Variants in FGF12 observed in about 807,000 individuals in gnomAD.
FGF12 encodes fibroblast growth factor 12B.
Under a neutral mutation model 23.6 loss-of-function variants are expected in FGF12, and 14 were observed. That is an observed-to-expected ratio of 0.59 (90% CI 0.39 to 0.93). The LOEUF is 0.93. FGF12 is among the 40% of genes least tolerant of loss of function. The probability of loss-of-function intolerance (pLI) is 0.00; values close to 1 mark genes in which losing one functional copy is unlikely to be tolerated. For synonymous variants in FGF12, 62 were observed against 77.3 expected, an observed-to-expected ratio of 0.80 and a Z score of 1.04; for missense variants, 175 against 217.8, an observed-to-expected ratio of 0.80 and a Z score of 1.24.
intron 2 of FGF12, among the ~76,000 whole-genome samples, chr3:192,661,663 T>C (rs575135704): frequency 6.6e-6 from 1 of 152,274 alleles, no homozygotes; most frequent in South Asian, 2.1e-4. Context: ...TAAGAACAAA[T>C]CTTAAGTAGT....
At chr3:192,199,507 C>G (rs1390755544) in intron 4 of FGF12, among the ~76,000 whole-genome samples, 1 of 152,164 alleles carries the variant, frequency 6.6e-6, no homozygotes, top group African/African-American at 2.4e-5. Flanking sequence ...AGCCAGCTAA[C>G]AAATGGAGGC....
chr3:192,644,065 G>A (rs12638325), intron 2 of FGF12, among the ~76,000 whole-genome samples: 5 of 151,956 alleles, frequency 3.3e-5, no homozygotes, highest in Admixed American at 1.3e-4. Flanking sequence ...AGCGACTTAC[G>A]CAGCATTAAG....
At chr3:192,301,238 C>T (rs1002539816) in intron 4 of FGF12, among the ~76,000 whole-genome samples, 2 of 152,194 alleles carry the variant, frequency 1.3e-5, no homozygotes, top group South Asian at 4.2e-4. Context: ...AAACGAATCA[C>T]CGGGCATGGA....
chr3:192,618,914 A>G (rs1194797333), intron 2 of FGF12, among the ~76,000 whole-genome samples: 1 of 152,064 alleles, frequency 6.6e-6, no homozygotes, highest in Non-Finnish European at 1.5e-5. Context: ...CCTGGCTTAC[A>G]GTCGGATAGA....
rs554614510 is a variant in FGF12, at chr3:192,629,351, A to G, written c.13+97830T>C. 1.3e-3 allele frequency among the ~76,000 whole-genome samples: 204 copies of G among 152,328 alleles called. 1 individual carries two copies. Among genetic ancestry groups the G allele is most frequent in the African/African-American group, 4.7e-3 (194 of 41,576 alleles). On this transcript the variant is annotated intron_variant, in intron 2 of 5. Coordinates refer to ENST00000445105, the MANE Select transcript of FGF12 (RefSeq NM_004113.6). Reference sequence around the variant, plus strand: ...CAGAAATCACCTAATCACCACCATGACTGATCCTATATTTATTTATGAAAA... The same window carrying G: ...CAGAAATCACCTAATCACCACCATGGCTGATCCTATATTTATTTATGAAAA...
intron 2 of FGF12, among the ~76,000 whole-genome samples, chr3:192,461,174 A>G (rs1280098094): frequency 6.9e-6 from 1 of 144,742 alleles, no homozygotes; most frequent in Admixed American, 6.7e-5. Flanking sequence ...ATTGTAAAAC[A>G]TTTATTTTTG....
chr3:192,716,975 T>C (rs1718886002), intron 2 of FGF12, among the ~76,000 whole-genome samples: 1 of 152,054 alleles, frequency 6.6e-6, no homozygotes, highest in African/African-American at 2.4e-5. Flanking sequence ...CCCCTAGGGG[T>C]GGAAGCCAAC....
intron 2 of FGF12, among the ~76,000 whole-genome samples, chr3:192,594,053 A>G (rs535623129): frequency 6.6e-6 from 1 of 152,050 alleles, no homozygotes; most frequent in East Asian, 1.9e-4. Flanking sequence ...AAATCTGCTA[A>G]AATTTTCCAA....
chr3:192,719,394 T>A (rs1402426032), intron 2 of FGF12, among the ~76,000 whole-genome samples: 8 of 152,196 alleles, frequency 5.3e-5, no homozygotes, highest in Non-Finnish European at 7.3e-5. Flanking sequence ...TTATTGAGGG[T>A]CTTGCTATAT....
At chr3:192,486,071 C>T (rs1053496607) in intron 2 of FGF12, among the ~76,000 whole-genome samples, 5 of 151,994 alleles carry the variant, frequency 3.3e-5, no homozygotes, top group African/African-American at 1.2e-4. Flanking sequence ...TACCTAAGTT[C>T]GAGGAACACT....
intron 2 of FGF12, among the ~76,000 whole-genome samples, chr3:192,501,575 A>G (rs1724134520): frequency 6.6e-6 from 1 of 152,220 alleles, no homozygotes; most frequent in Non-Finnish European, 1.5e-5. Flanking sequence ...TACAAATAGA[A>G]TATTTCCAGC....
At chr3:192,192,362 C>CGTGT (rs1272952914) in intron 4 of FGF12, among the ~76,000 whole-genome samples, 2 of 150,284 alleles carry the variant, frequency 1.3e-5, no homozygotes, top group African/African-American at 4.9e-5. Context: ...TATATATACA[C>CGTGT]ATTTACACAT....
intron 2 of FGF12, among the ~76,000 whole-genome samples, chr3:192,483,461 A>G (rs888691757): frequency 1.3e-5 from 2 of 152,208 alleles, no homozygotes; most frequent in Admixed American, 1.3e-4. Flanking sequence ...TGAAGTGTAA[A>G]GGCTTTATGA....
intron 2 of FGF12, among the ~76,000 whole-genome samples, chr3:192,707,680 A>G (rs1226386329): frequency 1.3e-5 from 2 of 149,762 alleles, no homozygotes; most frequent in Non-Finnish European, 3.0e-5. Context: ...TGGGAGGTGG[A>G]GATTGCAATA....
At chr3:192,381,300 C>G (rs1376991845) in intron 2 of FGF12, among the ~76,000 whole-genome samples, 1 of 152,138 alleles carries the variant, frequency 6.6e-6, no homozygotes, top group African/African-American at 2.4e-5. Context: ...TCAAAGACCA[C>G]GTACATTCTG....
intron 2 of FGF12, among the ~76,000 whole-genome samples, chr3:192,569,031 C>T (rs1156550546): frequency 6.6e-6 from 1 of 152,138 alleles, no homozygotes; most frequent in Non-Finnish European, 1.5e-5. Flanking sequence ...GAAAACAGTA[C>T]ATGCGGAATA....
intron 2 of FGF12, among the ~76,000 whole-genome samples, chr3:192,508,508 T>C (rs995605977): frequency 9.2e-5 from 14 of 152,200 alleles, no homozygotes; most frequent in African/African-American, 3.4e-4. Flanking sequence ...TACCACAGAA[T>C]AGAACTTGCA....
intron 2 of FGF12, among the ~76,000 whole-genome samples, chr3:192,511,988 T>C (rs1560135005): frequency 6.6e-6 from 1 of 152,150 alleles, no homozygotes; most frequent in Non-Finnish European, 1.5e-5. Flanking sequence ...TTAATAAAAC[T>C]TAAATAAAAT....
At chr3:192,713,977 C>T (rs1483656916) in intron 2 of FGF12, among the ~76,000 whole-genome samples, 2 of 152,160 alleles carry the variant, frequency 1.3e-5, no homozygotes, top group Admixed American at 6.5e-5. Context: ...ATTAAGCAAA[C>T]TCGAATCCAT....
Sources: gnomAD v4.1 joint callset for allele counts (sites outside exome capture counted in the v4.1 genomes callset) on GRCh38, gnomAD v4.1.1 for gene constraint, MANE v1.5 for transcripts, NCBI Gene and HGNC (gene_info 2026-07-23, HGNC 2026-07-21) for gene names.